Variants in ALG14 observed in about 807,000 individuals in gnomAD.
ALG14 encodes the protein UDP-N-acetylglucosamine transferase subunit ALG14.
In ALG14, 17 loss-of-function variants were observed where a neutral mutation model predicts 22.8. The ratio of observed to expected loss-of-function variants is 0.75; its 90% CI spans 0.51 to 1.12. ALG14 has a LOEUF of 1.12. Ranked by LOEUF, ALG14 falls within the 50% of genes most tolerant of loss-of-function variation. The pLI is 0.00. For missense variants in ALG14, 288 were observed against 271.8 expected, an observed-to-expected ratio of 1.06 and a Z score of -0.42; for synonymous variants, 89 against 103.7, an observed-to-expected ratio of 0.86 and a Z score of 0.86.
intron 3 of ALG14, among the ~76,000 whole-genome samples, chr1:94,988,494 T>C (rs1300917099): frequency 6.6e-6 from 1 of 152,132 alleles, no homozygotes; most frequent in African/African-American, 2.4e-5. Context: ...AGTGAGTCAT[T>C]GGACCAAAAT....
intron 3 of ALG14, among the ~76,000 whole-genome samples, chr1:95,016,942 G>GGTGGGT (rs1553227022): frequency 7.7e-6 from 1 of 129,296 alleles, no homozygotes; most frequent in African/African-American, 2.9e-5. Flanking sequence ...TTGCAAAAGG[G>GGTGGGT]GTGTGTGTGT....
chr1:95,027,631 A>G (rs1025295136), intron 2 of ALG14, among the ~76,000 whole-genome samples: 2 of 152,238 alleles, frequency 1.3e-5, no homozygotes, highest in Non-Finnish European at 2.9e-5. Context: ...AGATAACTCC[A>G]AATGGAAGAA....
chr1:94,986,476 C>CT (rs1417305952), intron 3 of ALG14, among the ~76,000 whole-genome samples: 2 of 151,076 alleles, frequency 1.3e-5, no homozygotes, highest in Non-Finnish European at 1.5e-5. Context: ...CTTTTTTTTT[C>CT]TTTTTTTCTT....
intron 3 of ALG14, among the ~76,000 whole-genome samples, chr1:94,985,589 G>T (rs1458910876): frequency 6.6e-6 from 1 of 152,120 alleles, no homozygotes; most frequent in African/African-American, 2.4e-5. Flanking sequence ...GTCACAGAAA[G>T]AATTTCACAT....
At chr1:95,040,538 C>T (rs1255120511) in intron 2 of ALG14, among the ~76,000 whole-genome samples, 1 of 152,018 alleles carries the variant, frequency 6.6e-6, no homozygotes, top group Admixed American at 6.6e-5. Flanking sequence ...CGTGGTGTGA[C>T]TGCAACTACC....
chr1:95,033,826 C>T (rs999258364), intron 2 of ALG14, among the ~76,000 whole-genome samples: 4 of 152,176 alleles, frequency 2.6e-5, no homozygotes, highest in Admixed American at 1.3e-4. Flanking sequence ...TAACTAGTCT[C>T]TTTGCTTCTC....
chr1:95,060,929 T>C (rs1278721649), intron 2 of ALG14, among the ~76,000 whole-genome samples: 3 of 152,102 alleles, frequency 2.0e-5, no homozygotes, highest in Non-Finnish European at 4.4e-5. Context: ...TAAGATGAGG[T>C]CCTTCTGAAT....
intron 3 of ALG14, among the ~76,000 whole-genome samples, chr1:95,018,254 G>A (rs1204526434): frequency 1.3e-5 from 2 of 152,112 alleles, no homozygotes; most frequent in Non-Finnish European, 2.9e-5. Flanking sequence ...AATATGAGGT[G>A]GCCAGGCGCG....
At chr1:95,056,319 A>G (rs939808810) in intron 2 of ALG14, among the ~76,000 whole-genome samples, 59 of 152,198 alleles carry the variant, frequency 3.9e-4, no homozygotes, top group African/African-American at 1.4e-3. Flanking sequence ...ACAGAAAGAA[A>G]TCAATTCCAG....
At chr1:95,043,845 G>C (rs1265132259) in intron 2 of ALG14, among the ~76,000 whole-genome samples, 1 of 151,676 alleles carries the variant, frequency 6.6e-6, no homozygotes, top group Non-Finnish European at 1.5e-5. Context: ...AGAAGGAGGG[G>C]AGAGGGAGAA....
At position 95,072,931 on chromosome 1, in the gene ALG14, G is replaced by T. The variant is rs749904689; in HGVS notation, c.-33C>A. On this transcript the variant is annotated 5_prime_UTR_variant, in exon 1 of 4. Coordinates refer to ENST00000370205, the MANE Select transcript of ALG14 (RefSeq NM_144988.4). ...AACGGCGCATGCGTCCAACTTCCGG[G>T]GACCAGCCGCTGTCAAAGTTCACAA... 30 of 1,611,504 alleles carry T rather than the reference G, an allele frequency of 1.9e-5. No homozygotes were observed. The African/African-American group carries it at 2.5e-4, about 14-fold the overall frequency.
At position 95,063,119 on chromosome 1, in the gene ALG14, T is replaced by C. The variant is rs568882730; in HGVS notation, c.288+1747A>G. Among the ~76,000 whole-genome samples, 9 of 152,334 alleles carry C rather than the reference T, an allele frequency of 5.9e-5. No homozygotes were observed. In the South Asian group the frequency reaches 6.2e-4, roughly 11 times the overall value. On this transcript the variant is annotated intron_variant, in intron 2 of 3. Coordinates refer to ENST00000370205, the MANE Select transcript of ALG14 (RefSeq NM_144988.4). The stretch of plus-strand genomic sequence containing the variant: ...TCTTCTTTTGAGAAGTGTCTGTTCA[T>C]GTCCTTTGCCCACTTTTTAATAACA...
chr1:95,054,201 T>A (rs1401889677), intron 2 of ALG14, among the ~76,000 whole-genome samples: 1 of 152,216 alleles, frequency 6.6e-6, no homozygotes, highest in African/African-American at 2.4e-5. Context: ...TCATGTCGAA[T>A]TGTAATCCTC....
chr1:95,036,083 C>CT (rs1281897325), intron 2 of ALG14, among the ~76,000 whole-genome samples: 3 of 152,030 alleles, frequency 2.0e-5, no homozygotes, highest in Non-Finnish European at 4.4e-5. Flanking sequence ...TTGGTAGATA[C>CT]TTTATGGTGC....
chr1:95,028,239 C>G (rs1374393622), intron 2 of ALG14, among the ~76,000 whole-genome samples: 2 of 152,170 alleles, frequency 1.3e-5, no homozygotes, highest in Admixed American at 6.5e-5. Flanking sequence ...CCTTGACCTC[C>G]CTGGGCTCAG....
chr1:95,029,956 C>T (rs1351832126), intron 2 of ALG14, among the ~76,000 whole-genome samples: 1 of 152,114 alleles, frequency 6.6e-6, no homozygotes, highest in African/African-American at 2.4e-5. Flanking sequence ...GAAACTAATA[C>T]TGAGTAGTTC....
intron 3 of ALG14, among the ~76,000 whole-genome samples, chr1:95,005,953 T>C (rs762614366): frequency 3.5e-4 from 54 of 152,340 alleles, no homozygotes; most frequent in Non-Finnish European, 6.8e-4. Context: ...CTCTGTTTCA[T>C]ATAGAAAGGC....
intron 2 of ALG14, among the ~76,000 whole-genome samples, chr1:95,041,925 T>C (rs1360712856): frequency 1.3e-5 from 2 of 152,154 alleles, no homozygotes; most frequent in African/African-American, 4.8e-5. Context: ...TCCCTATTTA[T>C]TACACTAGCA....
chr1:95,008,007 T>C (rs1453283344), intron 3 of ALG14, among the ~76,000 whole-genome samples: 1 of 152,214 alleles, frequency 6.6e-6, no homozygotes, highest in Admixed American at 6.5e-5. Flanking sequence ...TCAACAAACC[T>C]TAGTGGAATT....
Sources: gnomAD v4.1 joint callset for allele counts (sites outside exome capture counted in the v4.1 genomes callset) on GRCh38, gnomAD v4.1.1 for gene constraint, MANE v1.5 for transcripts, NCBI Gene and HGNC (gene_info 2026-07-23, HGNC 2026-07-21) for gene names.